The following HRNR variants were observed in gnomAD, a reference collection of about 807,000 sequenced individuals.
HRNR encodes the protein filaggrin family member 3.
A neutral mutation model predicts 4.8 loss-of-function variants in HRNR; 7 were observed. The observed-to-expected ratio is 1.47, with a 90% confidence interval of 0.83 to 2.75. The LOEUF is 2.75. Among genes scored for constraint, HRNR ranks in the 30% most tolerant of loss-of-function variants. HRNR has a pLI of 0.00. For missense variants in HRNR, 2,879 were observed against 3,010.4 expected (o/e 0.96, Z 1.02); for synonymous variants, 1,023 against 1,242.7 (o/e 0.82, Z 3.72).
At position 152,219,155 on chromosome 1, in the gene HRNR, C is replaced by G. The variant is rs762355090; in HGVS notation, c.2474G>C (p.Gly825Ala). 1.9e-6 allele frequency: 3 copies of G among 1,613,620 alleles called. No homozygotes were observed. Among genetic ancestry groups the G allele is most frequent in the South Asian group, 2.2e-5 (2 of 91,038 alleles). Residue 825 changes from glycine (G) to alanine (A), a missense_variant, in exon 3 of 3, where the codon GGA (glycine) becomes GCA (alanine). This residue lies in a region of HRNR where 2,646 missense variants were observed against 1,377.7 expected (regional missense o/e 1.92). Coordinates refer to ENST00000368801, the MANE Select transcript of HRNR (RefSeq NM_001009931.3). Reference protein sequence around the residue: ...SGFGQHESGSGQGYSQHGSAS... With the variant: ...SGFGQHESGSAQGYSQHGSAS... Reference sequence around the variant, plus strand: ...AGAACCATGCTGACTATAGCCCTGTCCTGAGCCAGACTCGTGTTGCCCAAA... The same window carrying G: ...AGAACCATGCTGACTATAGCCCTGTGCTGAGCCAGACTCGTGTTGCCCAAA...
chr1:152,223,057 G>A lies in HRNR; in HGVS notation c.138+59C>T, dbSNP rs115965930. 856 of 1,530,368 alleles carry A rather than the reference G, an allele frequency of 5.6e-4. 5 individuals are homozygous for A. In the African/African-American group the frequency reaches 0.011, roughly 19 times the overall value. The allele number at this position is 1,530,368 out of a possible 1,614,324, so 94.8% of individuals were successfully genotyped here. Reference sequence around the variant, plus strand: ...GATGTTTGACATATGTGACAAGAAGGTGGAAAGGGATAAAGAAGAAAATTC... The same window carrying A: ...GATGTTTGACATATGTGACAAGAAGATGGAAAGGGATAAAGAAGAAAATTC... On this transcript the variant is annotated intron_variant, in intron 2 of 2. Transcript: ENST00000368801.
Position 152,219,655 on chromosome 1 carries a change from C to G in HRNR, c.1974G>C (p.Gln658His). 2.5e-6 allele frequency: 4 copies of G among 1,613,082 alleles called. No individual in the cohort carries two copies. Among genetic ancestry groups the G allele is most frequent in the African/African-American group, 1.3e-5 (1 of 74,948 alleles). ...RYGQQGSGSG[Q>H]SPSRGRHGSD... ...ACCCATGTCGGCCGCGACTAGGAGA[C>G]TGGCCAGATCCAGAGCCCTGTTGGC... The change falls in exon 3 of 3, where the codon CAG (glutamine) becomes CAC (histidine). Residue 658 changes from glutamine to histidine, a missense_variant. Coordinates refer to ENST00000368801, the MANE Select transcript of HRNR (RefSeq NM_001009931.3).
intron 1 of HRNR, 64 bp downstream of exon 1, chr1:152,224,079 C>T (rs1649089679): frequency 6.6e-6 from 1 of 152,134 alleles, no homozygotes. Flanking sequence ...CCTTAGAGCA[C>T]ATCCTGGACT....
In HRNR at chr1:152,221,249, A is replaced by G. The variant is rs1234289161; in HGVS notation, c.380T>C (p.Phe127Ser). 1 of 1,613,954 alleles carries G rather than the reference A, an allele frequency of 6.2e-7. No individual in the cohort carries two copies. Among genetic ancestry groups the G allele is most frequent in the Non-Finnish European group, 8.5e-7 (1 of 1,180,038 alleles). The change falls in exon 3 of 3, where the codon TTT becomes TCT. Residue 127 changes from phenylalanine to serine, a missense_variant. Transcript: ENST00000368801. ...TCCTGCACTCCAACTTGAATGACTAAAAGAGGATTCTTGCCGTTTGTTCTC... is the reference window on the plus strand; with the variant it reads ...TCCTGCACTCCAACTTGAATGACTAGAAGAGGATTCTTGCCGTTTGTTCTC... ...KEENKRQESS[F>S]SHSSWSAGEN...
Position 152,212,907 on chromosome 1 carries a change from T to A in HRNR, c.*169A>T. On this transcript the variant is annotated 3_prime_UTR_variant, in exon 3 of 3. Transcript: ENST00000368801. ...CTAACAGTCTTTGGAAGGAACCCCA[T>A]AACAAGATATATGCTACAGTTTTAG... 1 of 904,506 alleles carries A rather than the reference T, an allele frequency of 1.1e-6. No individual in the cohort carries two copies. Among genetic ancestry groups the A allele is most frequent in the Non-Finnish European group, 1.6e-6 (1 of 613,544 alleles). 56.0% of individuals were successfully genotyped at this position (904,506 alleles called of 1,614,324 possible).
chr1:152,220,229 T>C lies in HRNR; in HGVS notation c.1400A>G (p.His467Arg), dbSNP rs778829946. 1.5e-4 allele frequency: 249 copies of C among 1,613,440 alleles called. No homozygotes were observed. Among genetic ancestry groups the C allele is most frequent in the Non-Finnish European group, 2.1e-4 (245 of 1,179,792 alleles). ...GGAATGCTCTGAGCTAGACTCGTGG[T>C]GACCAAAGCCAGAAGAGTAGCCTGA... is the stretch of plus-strand genomic sequence containing the variant. ...SGSGYSSGFG[H>R]HESSSEHSSG... The change falls in exon 3 of 3, where the codon CAC becomes CGC. Residue 467 changes from histidine to arginine, a missense_variant. Coordinates refer to ENST00000368801, the MANE Select transcript of HRNR (RefSeq NM_001009931.3).
chr1:152,222,766 T>G lies in HRNR; in HGVS notation c.138+350A>C, dbSNP rs77105811. Among the ~76,000 whole-genome samples the G allele has an allele frequency of 4.3e-4, 66 of 152,296 alleles. 1 individual carries two copies. In the East Asian group the frequency reaches 0.011, roughly 25 times the overall value. ...AAATCTAGACCTGACAGTTTTAAGG[T>G]GGTGGACACATTCTTTTGTGATTCA... On this transcript the variant is annotated intron_variant, in intron 2 of 2. Transcript: ENST00000368801.
chr1:152,220,672 G>A lies in HRNR; in HGVS notation c.957C>T (p.Ser319=), dbSNP rs775841623. 2.1e-5 allele frequency: 34 copies of A among 1,611,562 alleles called. No homozygotes were observed. Among genetic ancestry groups the A allele is most frequent in the Non-Finnish European group, 2.7e-5 (32 of 1,178,642 alleles). ...CAGACCCGTGTTGGCCGTGGCTGGA[G>A]GAGTGCCCCGAACCGGACCCATGTC... ...HVRHGSGSGH[S]SSHGQHGSGS... Residue 319 remains serine, a synonymous_variant, in exon 3 of 3, where the codon TCC becomes TCT. Coordinates refer to ENST00000368801, the MANE Select transcript of HRNR (RefSeq NM_001009931.3).
At position 152,220,225 on chromosome 1, in the gene HRNR, G is replaced by T. The variant is rs757073493; in HGVS notation, c.1404C>A (p.His468Gln). The change falls in exon 3 of 3, where the codon CAC (histidine) becomes CAA (glutamine). Residue 468 changes from histidine to glutamine, a missense_variant. Transcript: ENST00000368801. ...GSGYSSGFGHHESSSEHSSGY... is the reference protein window; with the variant it reads ...GSGYSSGFGHQESSSEHSSGY... Reference sequence around the variant, plus strand: ...CAGAGGAATGCTCTGAGCTAGACTCGTGGTGACCAAAGCCAGAAGAGTAGC... The same window carrying T: ...CAGAGGAATGCTCTGAGCTAGACTCTTGGTGACCAAAGCCAGAAGAGTAGC... 6.2e-7 allele frequency: 1 copy of T among 1,613,380 alleles called. No individual in the cohort carries two copies.
chr1:152,220,287 G>C lies in HRNR; in HGVS notation c.1342C>G (p.Arg448Gly). 6.2e-7 allele frequency: 1 copy of C among 1,613,708 alleles called. No homozygotes were observed. The highest frequency in any genetic ancestry group is 8.5e-7 in the Non-Finnish European group (1 of 1,179,918). Residue 448 changes from arginine (R) to glycine (G), a missense_variant, in exon 3 of 3, where the codon CGA (arginine) becomes GGA (glycine). This residue lies in a region of HRNR where 2,646 missense variants were observed against 1,377.7 expected (regional missense o/e 1.92). Coordinates refer to ENST00000368801, the MANE Select transcript of HRNR (RefSeq NM_001009931.3). Reference protein sequence around the residue: ...SSGQHGTGFGRSSSSGPYVSG... With the variant: ...SSGQHGTGFGGSSSSGPYVSG... ...ACATATGGGCCACTGCTGGAAGATC[G>C]ACCAAAGCCAGTCCCATGTTGGCCG...
In HRNR at chr1:152,219,972, T is replaced by G; in HGVS notation, c.1657A>C (p.Arg553=). 1 of 1,610,832 alleles carries G rather than the reference T, an allele frequency of 6.2e-7. No individual in the cohort carries two copies. The highest frequency in any genetic ancestry group is 8.5e-7 in the Non-Finnish European group (1 of 1,179,156). ...TGTGGGCCATAGCTGGAAGACTGCCTGGAACCAGACTCATGTCGGCCACGG... is the reference window on the plus strand; with the variant it reads ...TGTGGGCCATAGCTGGAAGACTGCCGGGAACCAGACTCATGTCGGCCACGG... The part of the protein sequence containing the change: ...PSRGRHESGS[R]QSSSYGPHGY... The change falls in exon 3 of 3, where the codon AGG becomes CGG. Residue 553 remains arginine, a synonymous_variant. Transcript: ENST00000368801.
chr1:152,221,277 C>A lies in HRNR; in HGVS notation c.352G>T (p.Glu118Ter), dbSNP rs1239472946. ...GAGGATTCTTGCCGTTTGTTCTCCT[C>A]TTTTTCAGTTTCTTCTTGTTCCTCT... is the stretch of plus-strand genomic sequence containing the variant. ...HQEEQEETEK[E>*]ENKRQESSFS... The change falls in exon 3 of 3, where the codon GAG (glutamate) becomes TAG (stop). Residue 118 changes from glutamate (E) to a stop codon, truncating the protein, a stop_gained. Transcript: ENST00000368801. LOFTEE classifies it low-confidence loss of function (END_TRUNC). The A allele has an allele frequency of 4.1e-5, 66 of 1,613,930 alleles. No homozygotes were observed. The highest frequency in any genetic ancestry group is 5.4e-5 in the Non-Finnish European group (64 of 1,180,016).
At position 152,212,863 on chromosome 1, in the gene HRNR, A is replaced by T; in HGVS notation, c.*213T>A. 1.6e-6 allele frequency: 1 copy of T among 643,994 alleles called. No homozygotes were observed. Among genetic ancestry groups the T allele is most frequent in the Non-Finnish European group, 2.6e-6 (1 of 384,190 alleles). 39.9% of individuals were successfully genotyped at this position (643,994 alleles called of 1,614,324 possible). On this transcript the variant is annotated 3_prime_UTR_variant, in exon 3 of 3. Coordinates refer to ENST00000368801, the MANE Select transcript of HRNR (RefSeq NM_001009931.3). ...CAAGTTATTCCACTCAGTATTTTCT[A>T]ACAAAGTAGCACAAATGCCTAACAG...
In HRNR at chr1:152,218,646, C is replaced by T. The variant is rs200297011; in HGVS notation, c.2983G>A (p.Gly995Ser). ...GATCCAGACCCATGTTGGCCGTGGC[C>T]CAAAGACTGACGGGAGCCAGACCCA... ...QHGSGSRQSL[G>S]HGQHGSGSGQ... is the part of the protein sequence containing the mutation. The change falls in exon 3 of 3, where the codon GGC (glycine) becomes AGC (serine). Residue 995 changes from glycine (G) to serine (S), a missense_variant. Physicochemically the swap from Gly to Ser is moderately conservative, Grantham distance 56. Transcript: ENST00000368801. 412 of 1,612,010 alleles carry T rather than the reference C, an allele frequency of 2.6e-4. 2 individuals carry two copies. The highest frequency in any genetic ancestry group is 1.0e-4 in the Non-Finnish European group (123 of 1,179,584).
Position 152,219,519 on chromosome 1 carries a change from T to G in HRNR, c.2110A>C (p.Lys704Gln), listed in dbSNP as rs762010199. The change falls in exon 3 of 3, where the codon AAG (lysine) becomes CAG (glutamine). Residue 704 changes from lysine (K) to glutamine (Q), a missense_variant. Physicochemically the swap from Lys to Gln is moderately conservative, Grantham distance 53. Coordinates refer to ENST00000368801, the MANE Select transcript of HRNR (RefSeq NM_001009931.3). ...CCAGAGGACTGCCCTGAGCCAGACT[T>G]GTGACCAAAGCCGGAAGACTGGCCT... ...VSGQSSGFGH[K>Q]SGSGQSSGYS... The G allele has an allele frequency of 6.2e-7, 1 of 1,610,922 alleles. No individual in the cohort carries two copies. Among genetic ancestry groups the G allele is most frequent in the African/African-American group, 1.4e-5 (1 of 73,694 alleles).
chr1:152,220,267 T>C lies in HRNR; in HGVS notation c.1362A>G (p.Pro454=). Residue 454 remains proline (P), a synonymous_variant, in exon 3 of 3, where the codon CCA becomes CCG. Transcript: ENST00000368801. The stretch of plus-strand genomic sequence containing the variant: ...AAGAGTAGCCTGAACCAGACACATA[T>C]GGGCCACTGCTGGAAGATCGACCAA... ...TGFGRSSSSG[P]YVSGSGYSSG... 1.2e-6 allele frequency: 2 copies of C among 1,612,656 alleles called. No homozygotes were observed. Among genetic ancestry groups the C allele is most frequent in the Non-Finnish European group, 1.7e-6 (2 of 1,179,694 alleles).
rs752881763 is a variant in HRNR at position 152,218,696 on chromosome 1, C to G, written c.2933G>C (p.Gly978Ala). Residue 978 changes from glycine (G) to alanine (A), a missense_variant, in exon 3 of 3, where the codon GGT becomes GCT. By Grantham distance (60) the Gly-to-Ala change is moderately conservative. Coordinates refer to ENST00000368801, the MANE Select transcript of HRNR (RefSeq NM_001009931.3). ...SRSEQHGSSSGSSSSYGQHGS... is the reference protein window; with the variant it reads ...SRSEQHGSSSASSSSYGQHGS... ...ATGCTGACCATAGCTGGAAGACGAACCTGAGCTAGATCCATGTTGTTCGCT... is the reference window on the plus strand; with the variant it reads ...ATGCTGACCATAGCTGGAAGACGAAGCTGAGCTAGATCCATGTTGTTCGCT... 3.1e-6 allele frequency: 5 copies of G among 1,613,782 alleles called. No homozygotes were observed. The highest frequency in any genetic ancestry group is 3.3e-5 in the Admixed American group (2 of 59,994).
At position 152,212,123 on chromosome 1, in the gene HRNR, G is replaced by T. The variant is rs1413358667; in HGVS notation, c.*953C>A. 2 of 152,168 alleles carry T rather than the reference G, an allele frequency of 1.3e-5. No homozygotes were observed. The highest frequency in any genetic ancestry group is 4.8e-5 in the African/African-American group (2 of 41,454). The allele number at this position is 152,168 out of a possible 1,614,324, so 9.4% of individuals were successfully genotyped here. On this transcript the variant is annotated 3_prime_UTR_variant, in exon 3 of 3. Coordinates refer to ENST00000368801, the MANE Select transcript of HRNR (RefSeq NM_001009931.3). ...TTGTCAATTTTAATACAATCCGGTTGTTTGAATCCAAAGACTTGAAACAAA... is the reference window on the plus strand; with the variant it reads ...TTGTCAATTTTAATACAATCCGGTTTTTTGAATCCAAAGACTTGAAACAAA...
In HRNR at chr1:152,220,634, G is replaced by A. The variant is rs1183327843; in HGVS notation, c.995C>T (p.Ser332Phe). The A allele has an allele frequency of 2.5e-6, 4 of 1,612,602 alleles. No homozygotes were observed. In the South Asian group the frequency reaches 4.4e-5, roughly 18 times the overall value. The part of the protein sequence containing the change: ...HGQHGSGSSY[S>F]YSRGHYESGS... ...AGACTCATAATGGCCACGGCTGTAAGAGTAACTTGAGCCAGACCCGTGTTG... is the reference window on the plus strand; with the variant it reads ...AGACTCATAATGGCCACGGCTGTAAAAGTAACTTGAGCCAGACCCGTGTTG... The change falls in exon 3 of 3, where the codon TCT (serine) becomes TTT (phenylalanine). Residue 332 changes from serine to phenylalanine, a missense_variant. Ser to Phe is a radical substitution (Grantham distance 155). This residue lies in a region of HRNR where 2,646 missense variants were observed against 1,377.7 expected (regional missense o/e 1.92). Coordinates refer to ENST00000368801, the MANE Select transcript of HRNR (RefSeq NM_001009931.3).
Sources: gnomAD v4.1 joint callset for allele counts (sites outside exome capture counted in the v4.1 genomes callset) on GRCh38, gnomAD v4.1.1 for gene constraint, gnomAD v4.1.1 regional missense constraint, MANE v1.5 for transcripts, NCBI Gene and HGNC (gene_info 2026-07-23, HGNC 2026-07-21) for gene names.